ZNF385D: variants seen among roughly 807,000 people sequenced by gnomAD.
ZNF385D encodes the protein zinc finger protein 385D.
In ZNF385D, 15 loss-of-function variants were observed where a neutral mutation model predicts 35.8. The ratio of observed to expected loss-of-function variants is 0.42; its 90% CI spans 0.28 to 0.64. The LOEUF (loss-of-function observed/expected upper bound fraction) is 0.64. Ranked by LOEUF, ZNF385D falls within the 30% of genes least tolerant of loss-of-function variation. ZNF385D has a pLI of 0.23. For synonymous variants in ZNF385D, 212 were observed against 186.8 expected (o/e 1.13, Z -1.10); for missense variants, 474 against 494.6 (o/e 0.96, Z 0.39).
intron 3 of ZNF385D, among the ~76,000 whole-genome samples, chr3:22,014,352 C>G (rs1006017210): frequency 6.6e-6 from 1 of 152,070 alleles, no homozygotes; most frequent in Non-Finnish European, 1.5e-5. Flanking sequence ...ATTAATACAT[C>G]CATGCTCCCT....
intron 2 of ZNF385D, among the ~76,000 whole-genome samples, chr3:21,589,192 G>T (rs2063899196): frequency 6.6e-6 from 1 of 152,142 alleles, no homozygotes; most frequent in Non-Finnish European, 1.5e-5. Flanking sequence ...TGAAAAAAAT[G>T]ACTTTAGAGA....
intron 1 of ZNF385D, among the ~76,000 whole-genome samples, chr3:21,675,450 T>C (rs983958185): frequency 3.3e-5 from 5 of 152,034 alleles, no homozygotes; most frequent in Admixed American, 6.6e-5. Context: ...AATGGAGCAG[T>C]AGTAAGGTTA....
intron 3 of ZNF385D, among the ~76,000 whole-genome samples, chr3:21,949,314 A>G (rs943328769): frequency 1.3e-5 from 2 of 152,130 alleles, no homozygotes; most frequent in Non-Finnish European, 2.9e-5. Context: ...CTGTGTGTGC[A>G]CACATTAGAA....
intron 3 of ZNF385D, among the ~76,000 whole-genome samples, chr3:22,166,199 T>C (rs1194262367): frequency 1.6e-5 from 2 of 127,174 alleles, no homozygotes; most frequent in African/African-American, 5.0e-5. Flanking sequence ...GTTACTAATA[T>C]TAGTAATGAG....
intron 1 of ZNF385D, among the ~76,000 whole-genome samples, chr3:21,730,468 A>G (rs1013326341): frequency 1.3e-5 from 2 of 152,246 alleles, no homozygotes; most frequent in African/African-American, 4.8e-5. Context: ...AAAATGGTTC[A>G]TAATCCATTG....
At position 21,566,522 on chromosome 3, in the gene ZNF385D, C is replaced by T. The variant is rs369036652; in HGVS notation, c.166-1838G>A. Among the ~76,000 whole-genome samples, 8 of 151,920 alleles carry T rather than the reference C, an allele frequency of 5.3e-5. 1 individual carries two copies. The South Asian group carries it at 1.0e-3, about 20-fold the overall frequency. ...GCAGGTGCTTGTAATCCCAGGTATT[C>T]GGGAGGCTGAGGCAGGAGAATCGCT... On this transcript the variant is annotated intron_variant, in intron 2 of 7. Transcript: ENST00000281523.
At chr3:21,448,597 G>C (rs1322532561) in intron 4 of ZNF385D, among the ~76,000 whole-genome samples, 1 of 152,092 alleles carries the variant, frequency 6.6e-6, no homozygotes, top group African/African-American at 2.4e-5. Context: ...GAAATCAAAA[G>C]TCTACAGATT....
chr3:22,130,525 C>T lies in ZNF385D; in HGVS notation c.325+38292G>A, dbSNP rs374311763. Among the ~76,000 whole-genome samples the T allele has an allele frequency of 6.6e-5, 10 of 152,242 alleles. 1 individual carries two copies. The highest frequency in any genetic ancestry group is 2.4e-4 in the African/African-American group (10 of 41,542). On this transcript the variant is annotated intron_variant, in intron 3 of 5. Transcript: ENST00000494108. ...TGGGTAGCGCTGGTCTAAATGCTTC[C>T]TCCAAGCTGGCCAAATCTGCTCCGT... is the stretch of plus-strand genomic sequence containing the variant.
At chr3:21,883,038 T>C (rs2125867120) in intron 3 of ZNF385D, among the ~76,000 whole-genome samples, 1 of 152,104 alleles carries the variant, frequency 6.6e-6, no homozygotes, top group Admixed American at 6.6e-5. Context: ...TTGATGCTTA[T>C]TTGGAGGTGA....
chr3:21,938,140 T>C (rs1210401663), intron 3 of ZNF385D, among the ~76,000 whole-genome samples: 5 of 152,240 alleles, frequency 3.3e-5, no homozygotes, highest in African/African-American at 1.2e-4. Flanking sequence ...TGTAATTTTA[T>C]TTCTTCACCA....
In ZNF385D at chr3:21,413,799, A is replaced by C. The variant is rs1357740146; in HGVS notation, c.*7415T>G. 6.6e-6 allele frequency: 1 copy of C among 152,256 alleles called. No homozygotes were observed. Among genetic ancestry groups the C allele is most frequent in the East Asian group, 1.9e-4 (1 of 5,186 alleles). The allele number at this position is 152,256 out of a possible 1,614,324, so 9.4% of individuals were successfully genotyped here. A position where few individuals can be genotyped will look rare whatever the true frequency, so the allele number is the denominator to read the frequency against. On this transcript the variant is annotated 3_prime_UTR_variant, in exon 8 of 8. Coordinates refer to ENST00000281523, the MANE Select transcript of ZNF385D (RefSeq NM_024697.3). ...TTCAATAAGCTTGGTTGTCAAAAGA[A>C]CACTGCCTTCAATTTATAGTCACTA...
At chr3:21,815,408 A>G (rs2073102054) in intron 3 of ZNF385D, among the ~76,000 whole-genome samples, 2 of 152,210 alleles carry the variant, frequency 1.3e-5, no homozygotes, top group Admixed American at 6.5e-5. Flanking sequence ...TGTTTTTTGA[A>G]AAGATCAACA....
At chr3:22,009,127 A>G (rs1437398445) in intron 3 of ZNF385D, among the ~76,000 whole-genome samples, 1 of 152,178 alleles carries the variant, frequency 6.6e-6, no homozygotes, top group Non-Finnish European at 1.5e-5. Context: ...TAATTTATTT[A>G]AAAACACACA....
At chr3:22,080,185 GA>G (rs1700677198) in intron 3 of ZNF385D, among the ~76,000 whole-genome samples, 1 of 152,114 alleles carries the variant, frequency 6.6e-6, no homozygotes, top group South Asian at 2.1e-4. Flanking sequence ...GGTCCTGAAA[GA>G]TAATGGATCC....
chr3:21,670,671 C>G lies in ZNF385D; in HGVS notation c.23-5643G>C, dbSNP rs796291259. 3.6e-4 allele frequency among the ~76,000 whole-genome samples: 8 copies of G among 22,056 alleles called. No homozygotes were observed. In the East Asian group the frequency reaches 3.9e-3, roughly 11 times the overall value. 14.5% of individuals were successfully genotyped at this position (22,056 alleles called of 152,430 possible). On this transcript the variant is annotated intron_variant, in intron 1 of 7. Transcript: ENST00000281523. ...AGGCGCCCCCCCCCCCCCCCCCCCC[C>G]CCAATGACTGAACGAATCCCCTTTG...
chr3:22,280,056 T>C (rs1283199984), intron 2 of ZNF385D, among the ~76,000 whole-genome samples: 1 of 152,078 alleles, frequency 6.6e-6, no homozygotes, highest in Non-Finnish European at 1.5e-5. Context: ...CATTTTTTCA[T>C]GTTTGTGGTC....
At chr3:21,801,122 T>C (rs375127942) in intron 3 of ZNF385D, among the ~76,000 whole-genome samples, 4 of 152,204 alleles carry the variant, frequency 2.6e-5, no homozygotes, top group Non-Finnish European at 4.4e-5. Flanking sequence ...CTTTATTACA[T>C]TGATTCATTG....
chr3:21,496,707 T>C (rs887809087), intron 4 of ZNF385D, among the ~76,000 whole-genome samples: 3 of 151,420 alleles, frequency 2.0e-5, no homozygotes, highest in Non-Finnish European at 4.4e-5. Context: ...TCTACCATAA[T>C]CAAATAGGCT....
chr3:21,713,125 C>T (rs948629685), intron 1 of ZNF385D, among the ~76,000 whole-genome samples: 4 of 152,216 alleles, frequency 2.6e-5, no homozygotes, highest in South Asian at 4.1e-4. Flanking sequence ...GATGGCTCCT[C>T]TGTTTCCATT....
Sources: allele counts gnomAD v4.1 joint callset (sites outside exome capture counted in the v4.1 genomes callset), GRCh38; gene constraint gnomAD v4.1.1; transcripts MANE v1.5; gene names NCBI Gene and HGNC (gene_info 2026-07-23, HGNC 2026-07-21).